CLVS2: variants seen among roughly 807,000 people sequenced by gnomAD.
The protein encoded by CLVS2 is clavesin-2.
In CLVS2, 19 loss-of-function variants were observed where a neutral mutation model predicts 29.0. The ratio of observed to expected loss-of-function variants is 0.66; its 90% CI spans 0.46 to 0.96. CLVS2 has a LOEUF of 0.96. Among genes scored for constraint, CLVS2 ranks in the 40% least tolerant of loss-of-function variants. The probability of loss-of-function intolerance (pLI) is 0.00; values close to 1 mark genes in which losing one functional copy is unlikely to be tolerated. For synonymous variants in CLVS2, 161 were observed against 151.3 expected (o/e 1.06, Z -0.47); for missense variants, 294 against 404.1 (o/e 0.73, Z 2.34).
At chr6:123,049,829 G>A (rs1228582939) in intron 4 of CLVS2, among the ~76,000 whole-genome samples, 1 of 149,540 alleles carries the variant, frequency 6.7e-6, no homozygotes, top group African/African-American at 2.5e-5. Flanking sequence ...AATAGCATTA[G>A]GAGATATACC....
intron 3 of CLVS2, among the ~76,000 whole-genome samples, chr6:123,043,745 C>G (rs1775267547): frequency 6.6e-6 from 1 of 151,996 alleles, no homozygotes; most frequent in Admixed American, 6.6e-5. Context: ...GATGACTGTA[C>G]CAGAAATTAT....
At chr6:122,998,646 C>T (rs34822689) in intron 2 of CLVS2, among the ~76,000 whole-genome samples, 38,411 of 152,052 alleles carry the variant, frequency 0.25, 5,217 homozygotes, top group Non-Finnish European at 0.31. Context: ...GGCGTTCGAC[C>T]AAAAGCAAGT....
chr6:123,005,242 A>C (rs1455092909), intron 2 of CLVS2, among the ~76,000 whole-genome samples: 1 of 152,214 alleles, frequency 6.6e-6, no homozygotes, highest in Non-Finnish European at 1.5e-5. Context: ...ACCCAGATAG[A>C]CATATTATTA....
Position 122,997,685 on chromosome 6 carries a change from C to A in CLVS2, c.-93C>A. 1 of 1,272,772 alleles carries A rather than the reference C, an allele frequency of 7.9e-7. No homozygotes were observed. Among genetic ancestry groups the A allele is most frequent in the Non-Finnish European group, 1.1e-6 (1 of 905,302 alleles). 78.8% of individuals were successfully genotyped at this position (1,272,772 alleles called of 1,614,324 possible). A position where few individuals can be genotyped will look rare whatever the true frequency, so the allele number is the denominator to read the frequency against. ...GGAGAGGAAGCAGGCAGCAGGAGGTCTGGGGGCTGGAGTCTGGTGGTGGCA... is the reference window on the plus strand; with the variant it reads ...GGAGAGGAAGCAGGCAGCAGGAGGTATGGGGGCTGGAGTCTGGTGGTGGCA... On this transcript the variant is annotated 5_prime_UTR_variant, in exon 2 of 6. In the 5' UTR this introduces an upstream ATG that the reference lacks. Coordinates refer to ENST00000275162, the MANE Select transcript of CLVS2 (RefSeq NM_001010852.4).
At chr6:123,018,306 C>G (rs1423983017) in intron 3 of CLVS2, among the ~76,000 whole-genome samples, 1 of 151,972 alleles carries the variant, frequency 6.6e-6, no homozygotes, top group Non-Finnish European at 1.5e-5. Context: ...CCAGCAAAAC[C>G]TCGTTTTTTT....
intron 3 of CLVS2, among the ~76,000 whole-genome samples, chr6:123,032,573 T>C (rs972886716): frequency 2.6e-5 from 4 of 152,130 alleles, no homozygotes; most frequent in African/African-American, 4.8e-5. Context: ...CAATAAAATA[T>C]GATTTTTTAA....
chr6:122,998,149 C>T lies in CLVS2; in HGVS notation c.372C>T (p.Ala124=). 6.2e-7 allele frequency: 1 copy of T among 1,612,050 alleles called. No individual in the cohort carries two copies. The highest frequency in any genetic ancestry group is 2.2e-5 in the East Asian group (1 of 44,874). The stretch of plus-strand genomic sequence containing the variant: ...GGAAGATTCTAGTCCTTTTTGCTGC[C>T]AATTGGGATCAGAGCAGGTAAATCC... The part of the protein sequence containing the change: ...YGRKILVLFA[A]NWDQSRYTLV... The change falls in exon 2 of 6, where the codon GCC becomes GCT. Residue 124 remains alanine (A), a synonymous_variant. Transcript: ENST00000275162.
At chr6:123,011,739 G>C (rs561217896) in intron 3 of CLVS2, among the ~76,000 whole-genome samples, 5 of 152,080 alleles carry the variant, frequency 3.3e-5, no homozygotes, top group African/African-American at 1.2e-4. Context: ...GGAATTAGAA[G>C]ATGGGAAACA....
rs563678971 is a variant in CLVS2, at chr6:123,065,971, C to A, written c.*2210C>A. The A allele has an allele frequency of 1.3e-5, 2 of 151,808 alleles. No homozygotes were observed. The highest frequency in any genetic ancestry group is 2.1e-4 in the South Asian group (1 of 4,834). 9.4% of individuals were successfully genotyped at this position (151,808 alleles called of 1,614,324 possible). ...AGTATCATTCACACTGTCTCCCAGA[C>A]CCACATTTGGAAAGTTTGCATTGCA... On this transcript the variant is annotated 3_prime_UTR_variant, in exon 6 of 6. Coordinates refer to ENST00000275162, the MANE Select transcript of CLVS2 (RefSeq NM_001010852.4).
At chr6:123,034,629 C>T (rs548447142) in intron 3 of CLVS2, among the ~76,000 whole-genome samples, 4 of 152,218 alleles carry the variant, frequency 2.6e-5, no homozygotes, top group Non-Finnish European at 5.9e-5. Flanking sequence ...GGTGATAGAA[C>T]ATTTCTGTAT....
rs535916974 is a variant in CLVS2, at chr6:123,070,695, A to G, written c.*6934A>G. The G allele has an allele frequency of 1.3e-5, 2 of 152,158 alleles. No homozygotes were observed. Among genetic ancestry groups the G allele is most frequent in the Non-Finnish European group, 2.9e-5 (2 of 67,974 alleles). 9.4% of individuals were successfully genotyped at this position (152,158 alleles called of 1,614,324 possible). On this transcript the variant is annotated 3_prime_UTR_variant, in exon 6 of 6. Transcript: ENST00000275162. ...TTGGGCTGGCATTTTTGCTGGTACT[A>G]TGAAAAAATAGTTGTTAAATACTTT...
chr6:123,001,276 A>G (rs549425713), intron 2 of CLVS2, among the ~76,000 whole-genome samples: 2 of 152,326 alleles, frequency 1.3e-5, no homozygotes, highest in Non-Finnish European at 2.9e-5. Context: ...AATTTAGTGT[A>G]GTTTACTTTT....
At chr6:123,062,047 T>A (rs1472106904) in intron 5 of CLVS2, among the ~76,000 whole-genome samples, 1 of 152,190 alleles carries the variant, frequency 6.6e-6, no homozygotes, top group Non-Finnish European at 1.5e-5. Context: ...CCAAGCCCTA[T>A]GATGCATGTT....
In CLVS2 at chr6:123,055,978, T is replaced by A; in HGVS notation, c.848T>A (p.Met283Lys). Residue 283 changes from methionine (M) to lysine (K), a missense_variant, in exon 5 of 6, where the codon ATG becomes AAG. Met to Lys is a moderately conservative substitution (Grantham distance 95, BLOSUM62 -1). Around this residue, in one of 2 missense-constraint regions of CLVS2, gnomAD observed 82 missense variants for 67.8 expected, o/e 1.21. Transcript: ENST00000275162. The part of the protein sequence containing the change: ...DSEYNVDSYS[M>K]PVKEVEKELS... The stretch of plus-strand genomic sequence containing the variant: ...GAGTACAATGTAGACTCCTACAGCA[T>A]GCCTGTGAAGGAAGTAGAGAAGGAA... 2.5e-6 allele frequency: 4 copies of A among 1,613,962 alleles called. No homozygotes were observed. Among genetic ancestry groups the A allele is most frequent in the Non-Finnish European group, 3.4e-6 (4 of 1,179,950 alleles).
At position 123,021,514 on chromosome 6, in the gene CLVS2, T is replaced by C. The variant is rs546024777; in HGVS notation, c.564+10355T>C. Among the ~76,000 whole-genome samples the C allele has an allele frequency of 3.0e-4, 46 of 152,182 alleles. 2 individuals are homozygous for C. In the South Asian group the frequency reaches 8.5e-3, roughly 28 times the overall value. On this transcript the variant is annotated intron_variant, in intron 3 of 5. Transcript: ENST00000275162. ...GTATTTGTGTTCTTAGTCCTCTGTATATAATAACATTTCTGTTTTGTAATT... is the reference window on the plus strand; with the variant it reads ...GTATTTGTGTTCTTAGTCCTCTGTACATAATAACATTTCTGTTTTGTAATT...
At chr6:123,032,425 A>T (rs1010039588) in intron 3 of CLVS2, among the ~76,000 whole-genome samples, 2 of 152,138 alleles carry the variant, frequency 1.3e-5, no homozygotes, top group African/African-American at 4.8e-5. Flanking sequence ...TATCAAAGGC[A>T]TTCTGGTAAA....
intron 4 of CLVS2, among the ~76,000 whole-genome samples, chr6:123,055,537 A>G (rs752711924): frequency 3.3e-4 from 50 of 152,170 alleles, no homozygotes; most frequent in Admixed American, 1.5e-3. Flanking sequence ...GAAGGAAACC[A>G]AATTTGTGGT....
intron 2 of CLVS2, among the ~76,000 whole-genome samples, chr6:123,008,059 G>C (rs568641998): frequency 3.9e-5 from 6 of 152,152 alleles, no homozygotes; most frequent in Non-Finnish European, 7.4e-5. Context: ...GTGTAGTACT[G>C]TTCTGCTGAG....
chr6:123,040,661 C>T (rs1026509140), intron 3 of CLVS2, among the ~76,000 whole-genome samples: 3 of 151,728 alleles, frequency 2.0e-5, no homozygotes, highest in Admixed American at 6.6e-5. Flanking sequence ...GGCGTAGTGG[C>T]GGGTACCTGT....
Sources: allele counts gnomAD v4.1 joint callset (sites outside exome capture counted in the v4.1 genomes callset), GRCh38; gene constraint gnomAD v4.1.1; regional missense constraint gnomAD v4.1.1; transcripts MANE v1.5; gene names NCBI Gene and HGNC (gene_info 2026-07-23, HGNC 2026-07-21).